Variants in ATXN2 observed in about 807,000 individuals in gnomAD.
ATXN2 encodes the protein ataxin 2.
ATXN2 carries 37 observed loss-of-function variants against 138.6 expected under a neutral mutation model. The observed-to-expected ratio is 0.27, with a 90% CI of 0.21 to 0.35. The LOEUF (loss-of-function observed/expected upper bound fraction) is 0.35, where lower values mean the gene tolerates loss of function less well. Among genes scored for constraint, ATXN2 ranks in the 10% least tolerant of loss-of-function variants. ATXN2 has a pLI of 1.00. For missense variants in ATXN2, 1,216 were observed against 1,480.3 expected (o/e 0.82, Z 2.93); for synonymous variants, 549 against 543.7 (o/e 1.01, Z -0.13).
Position 111,516,925 on chromosome 12 carries a change from G to A in ATXN2, c.1166-562C>T, listed in dbSNP as rs2135737514. 6.6e-6 allele frequency among the ~76,000 whole-genome samples: 1 copy of A among 152,056 alleles called. No individual in the cohort carries two copies. Among genetic ancestry groups the A allele is most frequent in the South Asian group, 2.1e-4 (1 of 4,822 alleles). On this transcript the variant is annotated intron_variant, in intron 9 of 24. Coordinates refer to ENST00000673436, the MANE Select transcript of ATXN2 (RefSeq NM_001372574.1). The surrounding 1 kb of genome is among the most constrained non-coding windows in gnomAD (Gnocchi z 5.0). ...TTATTAAGCAAGTCCCATTTAAGTA[G>A]AAATAAAACATTACTCTTCTAGAGT...
intron 1 of ATXN2, among the ~76,000 whole-genome samples, chr12:111,575,977 G>T (rs1214708766): frequency 6.6e-6 from 1 of 152,084 alleles, no homozygotes; most frequent in Non-Finnish European, 1.5e-5. Flanking sequence ...AGCTACTTGG[G>T]AGGCTAAGAC....
chr12:111,577,851 G>A (rs1299572577), intron 1 of ATXN2, among the ~76,000 whole-genome samples: 1 of 152,092 alleles, frequency 6.6e-6, no homozygotes, highest in Non-Finnish European at 1.5e-5. Flanking sequence ...GGAAGCTGAG[G>A]TGGGAGGATT....
At chr12:111,489,396 C>T (rs762402758) in intron 14 of ATXN2, among the ~76,000 whole-genome samples, 1 of 152,030 alleles carries the variant, frequency 6.6e-6, no homozygotes, top group African/African-American at 2.4e-5. Context: ...AGGCGGATCA[C>T]GAGGTCAGGA....
chr12:111,480,753 A>G (rs1877172049), intron 18 of ATXN2, among the ~76,000 whole-genome samples: 1 of 152,198 alleles, frequency 6.6e-6, no homozygotes. Context: ...AGCAAAAGGA[A>G]AAACCTGGAC....
intron 22 of ATXN2, 87 bp from the exon 23 acceptor site, chr12:111,456,343 T>A (rs779260664): frequency 1.1e-5 from 16 of 1,422,056 alleles, no homozygotes; most frequent in Admixed American, 1.7e-5. Flanking sequence ...CTTTGCACAC[T>A]TGGGCCTATG....
At chr12:111,550,121 T>C (rs1882047348) in intron 5 of ATXN2, among the ~76,000 whole-genome samples, 1 of 149,662 alleles carries the variant, frequency 6.7e-6, no homozygotes, top group South Asian at 2.1e-4. Flanking sequence ...ATTACTCCAA[T>C]AGTGGATGTC....
chr12:111,470,156 A>G lies in ATXN2; in HGVS notation c.2794T>C (p.Ser932Pro). The G allele has an allele frequency of 6.2e-7, 1 of 1,614,188 alleles. No homozygotes were observed. Among genetic ancestry groups the G allele is most frequent in the Admixed American group, 1.7e-5 (1 of 60,024 alleles). ...PTHAQPGLVS[S>P]SATQYGAHEQ... is the part of the protein sequence containing the mutation. The stretch of plus-strand genomic sequence containing the variant: ...TGAGCCCCGTACTGAGTTGCTGAAG[A>G]AGATACTAAACCAGGCTGGGCGTGT... Residue 932 changes from serine (S) to proline (P), a missense_variant, in exon 20 of 25, where the codon TCT becomes CCT. Coordinates refer to ENST00000673436, the MANE Select transcript of ATXN2 (RefSeq NM_001372574.1).
At chr12:111,497,742 C>T (rs996442446) in intron 14 of ATXN2, among the ~76,000 whole-genome samples, 3 of 152,004 alleles carry the variant, frequency 2.0e-5, no homozygotes, top group Non-Finnish European at 2.9e-5. Context: ...CTTGGCCGGG[C>T]GTGGTGGCTC....
At chr12:111,487,915 A>C (rs1877748825) in intron 15 of ATXN2, among the ~76,000 whole-genome samples, 1 of 152,160 alleles carries the variant, frequency 6.6e-6, no homozygotes, top group Non-Finnish European at 1.5e-5. Flanking sequence ...CTTTAACTGG[A>C]TTGTTTGGTA....
At chr12:111,562,036 C>A (rs1384281787) in intron 1 of ATXN2, among the ~76,000 whole-genome samples, 4 of 151,824 alleles carry the variant, frequency 2.6e-5, no homozygotes, top group Admixed American at 2.6e-4. Flanking sequence ...TGGTCTCGAT[C>A]TCCTGACCTC....
intron 14 of ATXN2, 31 bp from the exon 15 acceptor site, chr12:111,488,811 T>C (rs541427093): frequency 6.6e-7 from 1 of 1,513,286 alleles, no homozygotes; most frequent in South Asian, 1.2e-5. Flanking sequence ...TACTTAAATA[T>C]CTTAAATAAC....
chr12:111,563,585 A>AGG (rs1282686190), intron 1 of ATXN2, among the ~76,000 whole-genome samples: 3 of 152,162 alleles, frequency 2.0e-5, no homozygotes, highest in African/African-American at 7.2e-5. Flanking sequence ...AATCTTACAT[A>AGG]TACAATTACC....
At chr12:111,584,377 CAAAAAAAAAAAAAAAAAAAAA>C (rs58678794) in intron 1 of ATXN2, among the ~76,000 whole-genome samples, 1 of 44,734 alleles carries the variant, frequency 2.2e-5, no homozygotes, top group African/African-American at 7.2e-5. Context: ...GACCCTGTCT[CAAAAAAAAAAAAAAAAAAAAA>C]AAAAAAAAAA....
chr12:111,585,533 G>A (rs370736040), intron 1 of ATXN2, among the ~76,000 whole-genome samples: 2 of 150,390 alleles, frequency 1.3e-5, no homozygotes, highest in African/African-American at 4.9e-5. Flanking sequence ...AGCCAGGTGC[G>A]GTGGCTCACG....
intron 1 of ATXN2, among the ~76,000 whole-genome samples, chr12:111,563,280 A>T (rs1882798314): frequency 6.6e-6 from 1 of 152,144 alleles, no homozygotes; most frequent in African/African-American, 2.4e-5. Flanking sequence ...CGTATATTCC[A>T]CATATATATG....
At chr12:111,510,266 G>A (rs1214502170) in intron 12 of ATXN2, 119 bp downstream of exon 12, 15 of 1,114,152 alleles carry the variant, frequency 1.3e-5, no homozygotes, top group South Asian at 4.7e-5. Context: ...ACTTTTAAAT[G>A]TGCACTAAAA....
rs1359029867 is a variant in ATXN2 at position 111,599,114 on chromosome 12, G to A, written c.-80C>T. The A allele has an allele frequency of 7.9e-7, 1 of 1,266,306 alleles. No individual in the cohort carries two copies. The highest frequency in any genetic ancestry group is 1.6e-5 in the African/African-American group (1 of 63,806). The allele number at this position is 1,266,306 out of a possible 1,614,324, so 78.4% of individuals were successfully genotyped here. The stretch of plus-strand genomic sequence containing the variant: ...GCGCGCCAAGGAGACGCCGGAACGC[G>A]GCGGGGACGCGCGGGCGCCGAGCGG... On this transcript the variant is annotated 5_prime_UTR_variant, in exon 1 of 25. Coordinates refer to ENST00000673436, the MANE Select transcript of ATXN2 (RefSeq NM_001372574.1).
chr12:111,598,949 G>GGCGGCTGCT lies in ATXN2; in HGVS notation c.85_86insAGCAGCCGC (p.Gln28_Pro29insGlnGlnPro), dbSNP rs1555246667. 2.7e-5 allele frequency: 38 copies of GGCGGCTGCT among 1,412,070 alleles called. No homozygotes were observed. The highest frequency in any genetic ancestry group is 2.5e-4 in the South Asian group (19 of 75,404). The allele number at this position is 1,412,070 out of a possible 1,614,324, so 87.5% of individuals were successfully genotyped here. A position where few individuals can be genotyped will look rare whatever the true frequency, so the allele number is the denominator to read the frequency against. ...GCGGACATTGGCAGCCGCGGGCGGC[G>GGCGGCTGCT]GCTGCTGCTGCTGCTGCTGCTGCTG... On this transcript the variant is annotated inframe_insertion, in exon 1 of 25. Transcript: ENST00000673436. This position sits in a 1 kb window ranked among gnomAD's most constrained non-coding sequence, Gnocchi z 4.5.
At chr12:111,464,247 G>GTGTGT in intron 21 of ATXN2, among the ~76,000 whole-genome samples, 2 of 134,716 alleles carry the variant, frequency 1.5e-5, no homozygotes, top group East Asian at 4.3e-4. Context: ...TGTGGCTTGG[G>GTGTGT]GTGTGTGTGT....
Sources: allele counts gnomAD v4.1 joint callset (sites outside exome capture counted in the v4.1 genomes callset), GRCh38; gene constraint gnomAD v4.1.1; non-coding constraint Gnocchi (gnomAD v3.1); transcripts MANE v1.5; gene names NCBI Gene and HGNC (gene_info 2026-07-23, HGNC 2026-07-21).